Variants in SLC44A1 observed in about 807,000 individuals in gnomAD.
SLC44A1 encodes solute carrier family 44 member 1.
In SLC44A1, 26 loss-of-function variants were observed where a neutral mutation model predicts 79.3. The observed-to-expected ratio is 0.33, with a 90% confidence interval of 0.24 to 0.46. The LOEUF (loss-of-function observed/expected upper bound fraction) is 0.46. Ranked by LOEUF, SLC44A1 falls within the 20% of genes least tolerant of loss-of-function variation. SLC44A1 has a pLI of 1.00. For missense variants in SLC44A1, 688 were observed against 798.1 expected, an observed-to-expected ratio of 0.86 and a Z score of 1.66; for synonymous variants, 263 against 286.2, an observed-to-expected ratio of 0.92 and a Z score of 0.82.
At chr9:105,327,615 G>A (rs534342677) in intron 3 of SLC44A1, among the ~76,000 whole-genome samples, 8 of 152,192 alleles carry the variant, frequency 5.3e-5, no homozygotes, top group South Asian at 4.2e-4. Context: ...CTGTCCAGCC[G>A]TCTATGAACC....
downstream of SLC44A1, chr9:105,397,411 C>T: frequency 2.1e-6 from 2 of 959,640 alleles, no homozygotes; most frequent in Non-Finnish European, 2.5e-6. Context: ...AAATCATGGG[C>T]AACATCTTCG....
intron 3 of SLC44A1, among the ~76,000 whole-genome samples, chr9:105,312,795 G>A (rs922265093): frequency 1.3e-5 from 2 of 152,024 alleles, no homozygotes; most frequent in Non-Finnish European, 2.9e-5. Context: ...ATGTTTGTTA[G>A]CCTTTCATGA....
At chr9:105,314,466 C>CT (rs1400343587) in intron 3 of SLC44A1, among the ~76,000 whole-genome samples, 1 of 152,218 alleles carries the variant, frequency 6.6e-6, no homozygotes, top group Non-Finnish European at 1.5e-5. Flanking sequence ...TTAGTGTCTA[C>CT]TTTCTTTGTT....
Position 105,309,837 on chromosome 9 carries a change from A to G in SLC44A1, c.240A>G (p.Pro80=), listed in dbSNP as rs1195985608. Residue 80 remains proline, a synonymous_variant, in exon 3 of 16, where the codon CCA becomes CCG. Coordinates refer to ENST00000374720, the MANE Select transcript of SLC44A1 (RefSeq NM_080546.5). The part of the protein sequence containing the change: ...GQKNTKLEAI[P]NSGMDHTQRK... ...AAAATACAAAGTTGGAAGCAATACC[A>G]AACAGTGGCATGGACCACACCCAGC... 6.2e-7 allele frequency: 1 copy of G among 1,613,940 alleles called. No homozygotes were observed. The highest frequency in any genetic ancestry group is 1.1e-5 in the South Asian group (1 of 91,074).
At chr9:105,356,468 G>T in intron 6 of SLC44A1, 87 bp downstream of exon 6, 1 of 836,152 alleles carries the variant, frequency 1.2e-6, no homozygotes. Flanking sequence ...ATACAACTGG[G>T]GATACTTGTA....
intron 2 of SLC44A1, among the ~76,000 whole-genome samples, chr9:105,302,556 T>G (rs1769484825): frequency 6.6e-6 from 1 of 151,978 alleles, no homozygotes; most frequent in Non-Finnish European, 1.5e-5. Context: ...TTTCACCATG[T>G]TGGCCAGGTG....
intron 3 of SLC44A1, among the ~76,000 whole-genome samples, chr9:105,324,471 T>C (rs1460513905): frequency 6.6e-6 from 1 of 152,052 alleles, no homozygotes; most frequent in African/African-American, 2.4e-5. Flanking sequence ...CAGGCTGGTC[T>C]CAAACTCCTG....
chr9:105,361,968 C>T (rs1443752886), intron 8 of SLC44A1, among the ~76,000 whole-genome samples: 1 of 152,122 alleles, frequency 6.6e-6, no homozygotes, highest in Non-Finnish European at 1.5e-5. Context: ...GGAGGGTCAC[C>T]TGAGCCATGA....
chr9:105,365,574 A>G lies in SLC44A1; in HGVS notation c.1345A>G (p.Ile449Val), dbSNP rs1173924605. Residue 449 changes from isoleucine to valine, a missense_variant, in exon 11 of 16, where the codon ATT (isoleucine) becomes GTT (valine). Coordinates refer to ENST00000374720, the MANE Select transcript of SLC44A1 (RefSeq NM_080546.5). ...AGGTACGGTGGCAAAAGGATCTTTC[A>G]TTATCACATTAGTCAAAATTCCGCG... is the stretch of plus-strand genomic sequence containing the variant. ...HLGTVAKGSF[I>V]ITLVKIPRMI... 4 of 1,613,664 alleles carry G rather than the reference A, an allele frequency of 2.5e-6. No homozygotes were observed. The highest frequency in any genetic ancestry group is 3.4e-6 in the Non-Finnish European group (4 of 1,179,620).
intron 15 of SLC44A1, among the ~76,000 whole-genome samples, chr9:105,418,514 A>T (rs1231252967): frequency 6.6e-6 from 1 of 151,986 alleles, no homozygotes; most frequent in Non-Finnish European, 1.5e-5. Context: ...TAGCTTACAG[A>T]TTTTCTGTCT....
chr9:105,386,370 A>C, intron 15 of SLC44A1: 2 of 957,616 alleles, frequency 2.1e-6, no homozygotes, highest in South Asian at 9.7e-5. Flanking sequence ...AATTGTCTGC[A>C]TCCTTAAATA....
chr9:105,376,340 CACACACACACTACACACACACACT>C (rs1828285932), intron 13 of SLC44A1, among the ~76,000 whole-genome samples: 1 of 132,066 alleles, frequency 7.6e-6, no homozygotes, highest in Non-Finnish European at 1.6e-5. Context: ...CACACACACA[CACACACACACTACACACACACACT>C]ACACACACTG....
rs1021277920 is a variant in SLC44A1 at position 105,390,021 on chromosome 9, C to A, written c.*965C>A. 8.1e-6 allele frequency: 11 copies of A among 1,365,970 alleles called. No individual in the cohort carries two copies. In the African/African-American group the frequency reaches 1.6e-4, roughly 20 times the overall value. The allele number at this position is 1,365,970 out of a possible 1,614,324, so 84.6% of individuals were successfully genotyped here. ...CGTCAGTGGCTTAGGGTTAAACGGC[C>A]ATTTTATTCAAATGCTTGCTATACA... is the stretch of plus-strand genomic sequence containing the variant. On this transcript the variant is annotated 3_prime_UTR_variant, in exon 16 of 16. Coordinates refer to ENST00000374720, the MANE Select transcript of SLC44A1 (RefSeq NM_080546.5).
chr9:105,277,742 T>A (rs1304305526), intron 1 of SLC44A1, among the ~76,000 whole-genome samples: 1 of 152,194 alleles, frequency 6.6e-6, no homozygotes, highest in Non-Finnish European at 1.5e-5. Context: ...TAGGGCTTGG[T>A]CCTTCCCATG....
chr9:105,386,129 T>C (rs1435095012), intron 15 of SLC44A1: 1 of 981,842 alleles, frequency 1.0e-6, no homozygotes, highest in South Asian at 4.7e-5. Flanking sequence ...GATGGATAAA[T>C]TATTTCTGGT....
chr9:105,315,271 G>GTTTTTTTTTTTTTTTTTTT (rs72336954), intron 3 of SLC44A1, among the ~76,000 whole-genome samples: 1 of 130,268 alleles, frequency 7.7e-6, no homozygotes, highest in African/African-American at 2.6e-5. Context: ...TTTTTTGTTT[G>GTTTTTTTTTTTTTTTTTTT]TTTTTTTTTT....
intron 1 of SLC44A1, among the ~76,000 whole-genome samples, chr9:105,274,196 T>G (rs1179700870): frequency 1.3e-5 from 2 of 152,198 alleles, no homozygotes; most frequent in Non-Finnish European, 2.9e-5. Flanking sequence ...TTACCAGATG[T>G]TCCCCTTAAG....
chr9:105,395,577 C>G lies in SLC44A1; in HGVS notation c.*6521C>G, dbSNP rs1370714768. On this transcript the variant is annotated 3_prime_UTR_variant, in exon 16 of 16. Coordinates refer to ENST00000374720, the MANE Select transcript of SLC44A1 (RefSeq NM_080546.5). ...AATGCAGAGACCACTGGTGGAAATT[C>G]CCATGTTGGATAGAAAAGGGCGTAA... 1 of 985,258 alleles carries G rather than the reference C, an allele frequency of 1.0e-6. No homozygotes were observed. Among genetic ancestry groups the G allele is most frequent in the Non-Finnish European group, 1.2e-6 (1 of 829,938 alleles). 61.0% of individuals were successfully genotyped at this position (985,258 alleles called of 1,614,324 possible). A position where few individuals can be genotyped will look rare whatever the true frequency, so the allele number is the denominator to read the frequency against.
intron 15 of SLC44A1, chr9:105,386,089 C>G: frequency 1.0e-6 from 1 of 985,186 alleles, no homozygotes. Context: ...CTCAGTAAGA[C>G]AATCTAGTCT....
Sources: allele counts gnomAD v4.1 joint callset (sites outside exome capture counted in the v4.1 genomes callset), GRCh38; gene constraint gnomAD v4.1.1; transcripts MANE v1.5; gene names NCBI Gene and HGNC (gene_info 2026-07-23, HGNC 2026-07-21).